PNPLA7: variants seen among roughly 807,000 people sequenced by gnomAD.
PNPLA7 encodes the protein patatin-like phospholipase domain-containing protein 7.
A neutral mutation model predicts 161.7 loss-of-function variants in PNPLA7; 153 were observed. The ratio of observed to expected loss-of-function variants is 0.95; its 90% CI spans 0.83 to 1.08. The LOEUF (loss-of-function observed/expected upper bound fraction) is 1.08, where lower values mean the gene tolerates loss of function less well. PNPLA7 is among the 50% of genes least tolerant of loss of function. The pLI is 0.00. For synonymous variants in PNPLA7, 809 were observed against 782.1 expected (o/e 1.03, Z -0.57); for missense variants, 1,739 against 1,856.6 (o/e 0.94, Z 1.16).
At chr9:137,466,068 C>T (rs1588533922) in intron 26 of PNPLA7, among the ~76,000 whole-genome samples, 1 of 152,182 alleles carries the variant, frequency 6.6e-6, no homozygotes, top group Non-Finnish European at 1.5e-5. Flanking sequence ...CCCACGCCAA[C>T]ATCTCCCTGC....
chr9:137,517,868 C>T lies in PNPLA7; in HGVS notation c.1084+2049G>A, dbSNP rs1408951361. Reference sequence around the variant, plus strand: ...CCCACACTCACTCACTCCACTCTATCCACTCCATCCCACACTCACTCACTC... The same window carrying T: ...CCCACACTCACTCACTCCACTCTATTCACTCCATCCCACACTCACTCACTC... On this transcript the variant is annotated intron_variant, in intron 11 of 34. Transcript: ENST00000406427. 5.9e-4 allele frequency among the ~76,000 whole-genome samples: 35 copies of T among 58,990 alleles called. 1 individual carries two copies. The highest frequency in any genetic ancestry group is 3.1e-3 in the African/African-American group (27 of 8,588). 38.7% of individuals were successfully genotyped at this position (58,990 alleles called of 152,430 possible).
intron 15 of PNPLA7, 136 bp from the exon 16 acceptor site, chr9:137,501,032 C>G: frequency 1.4e-6 from 1 of 694,756 alleles, no homozygotes; most frequent in Non-Finnish European, 2.3e-6. Context: ...TGGGCATGGA[C>G]TTCACTGGAA....
In PNPLA7 at chr9:137,524,352, C is replaced by T. The variant is rs776498327; in HGVS notation, c.748-1495G>A. ...CCATTCAGCAGTCGAGATTCCCCCA[C>T]GGTGGCGCGTCTGCCAGAGGCCTGT... On this transcript the variant is annotated intron_variant, in intron 8 of 34. Coordinates refer to ENST00000406427, the MANE Select transcript of PNPLA7 (RefSeq NM_001098537.3). The surrounding 1 kb of genome is among the most constrained non-coding windows in gnomAD (Gnocchi z 4.4). Among the ~76,000 whole-genome samples, 7 of 151,200 alleles carry T rather than the reference C, an allele frequency of 4.6e-5. No individual in the cohort carries two copies. Among genetic ancestry groups the T allele is most frequent in the Non-Finnish European group, 8.9e-5 (6 of 67,712 alleles).
chr9:137,502,277 G>A (rs1369955417), intron 14 of PNPLA7, among the ~76,000 whole-genome samples: 3 of 152,226 alleles, frequency 2.0e-5, no homozygotes, highest in East Asian at 3.9e-4. Context: ...CCACACCCAC[G>A]AAGGTTTGAA....
Position 137,549,536 on chromosome 9 carries a change from A to C in PNPLA7, c.30+632T>G, listed in dbSNP as rs12684605. On this transcript the variant is annotated intron_variant, in intron 1 of 34. Transcript: ENST00000406427. The stretch of plus-strand genomic sequence containing the variant: ...AGTGAGTTGAGATCGTGCCACTGCA[A>C]TCCAGCTTGGGCGACAGAGCAAGAC... Among the ~76,000 whole-genome samples the C allele has an allele frequency of 7.6e-4, 111 of 146,030 alleles. 1 individual carries two copies. The East Asian group carries it at 0.013, about 17-fold the overall frequency.
chr9:137,537,479 A>T lies in PNPLA7; in HGVS notation c.747+3163T>A, dbSNP rs1443698149. Among the ~76,000 whole-genome samples, 1 of 152,042 alleles carries T rather than the reference A, an allele frequency of 6.6e-6. No homozygotes were observed. The highest frequency in any genetic ancestry group is 1.5e-5 in the Non-Finnish European group (1 of 68,016). On this transcript the variant is annotated intron_variant, in intron 8 of 34. Transcript: ENST00000406427. This position sits in a 1 kb window ranked among gnomAD's most constrained non-coding sequence, Gnocchi z 4.5. ...ATAACAGGCACCCGCCACCACACCC[A>T]GCTAATTTTTGTATTTTTAGTAGGG...
intron 29 of PNPLA7, 175 bp from the exon 30 acceptor site, chr9:137,463,008 C>T (rs1440494249): frequency 2.7e-5 from 24 of 878,706 alleles, no homozygotes; most frequent in Middle Eastern, 3.3e-4. Context: ...TGTGGGCACA[C>T]GGCTGTGTCC....
intron 26 of PNPLA7, among the ~76,000 whole-genome samples, chr9:137,466,329 C>T (rs1162295123): frequency 2.0e-5 from 3 of 152,012 alleles, no homozygotes; most frequent in Non-Finnish European, 4.4e-5. Flanking sequence ...CGGATCAGAC[C>T]GCCTCCCATC....
At position 137,537,476 on chromosome 9, in the gene PNPLA7, C is replaced by T. The variant is rs1190391942; in HGVS notation, c.747+3166G>A. On this transcript the variant is annotated intron_variant, in intron 8 of 34. Coordinates refer to ENST00000406427, the MANE Select transcript of PNPLA7 (RefSeq NM_001098537.3). The surrounding 1 kb of genome is among the most constrained non-coding windows in gnomAD (Gnocchi z 4.5). ...GGGATAACAGGCACCCGCCACCACA[C>T]CCAGCTAATTTTTGTATTTTTAGTA... is the stretch of plus-strand genomic sequence containing the variant. Among the ~76,000 whole-genome samples the T allele has an allele frequency of 6.6e-6, 1 of 152,180 alleles. No homozygotes were observed. The highest frequency in any genetic ancestry group is 2.4e-5 in the African/African-American group (1 of 41,430).
intron 11 of PNPLA7, among the ~76,000 whole-genome samples, chr9:137,519,139 CA>C (rs1171952199): frequency 3.3e-5 from 5 of 152,270 alleles, no homozygotes; most frequent in African/African-American, 1.2e-4. Flanking sequence ...CTCTCATCAG[CA>C]TTGCTTCATT....
rs974580932 is a variant in PNPLA7, at chr9:137,495,114, G to A, written c.2046C>T (p.Thr682=). ...CTGAGTCCCGAACGGCATGCACCGT[G>A]GTCGCCCGGGCCTGGTGGGTCAGTG... The part of the protein sequence containing the change: ...VETLTHQARA[T]TVHAVRDSEL... Residue 682 remains threonine, a synonymous_variant, in exon 19 of 35, where the codon ACC becomes ACT. Transcript: ENST00000406427. 1.9e-6 allele frequency: 3 copies of A among 1,606,686 alleles called. No homozygotes were observed. Among genetic ancestry groups the A allele is most frequent in the East Asian group, 4.5e-5 (2 of 44,840 alleles).
chr9:137,484,483 C>T, intron 21 of PNPLA7, 104 bp downstream of exon 21: 1 of 1,310,660 alleles, frequency 7.6e-7, no homozygotes, highest in Non-Finnish European at 1.0e-6. Flanking sequence ...CTGAGCCCTG[C>T]CCACCCACCG....
At position 137,541,185 on chromosome 9, in the gene PNPLA7, T is replaced by G. The variant is rs1209692117; in HGVS notation, c.667-463A>C. 6.6e-6 allele frequency among the ~76,000 whole-genome samples: 1 copy of G among 152,214 alleles called. No homozygotes were observed. The highest frequency in any genetic ancestry group is 2.4e-5 in the African/African-American group (1 of 41,458). On this transcript the variant is annotated intron_variant, in intron 7 of 34. Coordinates refer to ENST00000406427, the MANE Select transcript of PNPLA7 (RefSeq NM_001098537.3). The surrounding 1 kb of genome is among the most constrained non-coding windows in gnomAD (Gnocchi z 4.4). ...CAGCTTGACCCAGGAAAATTCTTTATGAAGTTGCCCAAATCTGGCCCCAGT... is the reference window on the plus strand; with the variant it reads ...CAGCTTGACCCAGGAAAATTCTTTAGGAAGTTGCCCAAATCTGGCCCCAGT...
chr9:137,475,237 C>G (rs116616076), intron 25 of PNPLA7, among the ~76,000 whole-genome samples: 6 of 151,778 alleles, frequency 4.0e-5, no homozygotes, highest in Non-Finnish European at 8.8e-5. Flanking sequence ...TCAGGCCAGG[C>G]ACAGTGGCTC....
rs1052003742 is a variant in PNPLA7, at chr9:137,479,208, G to A, written c.2611C>T (p.Arg871Cys). 5 of 1,553,234 alleles carry A rather than the reference G, an allele frequency of 3.2e-6. No individual in the cohort carries two copies. Among genetic ancestry groups the A allele is most frequent in the African/African-American group, 1.4e-5 (1 of 73,518 alleles). The change falls in exon 24 of 35, where the codon CGT becomes TGT. Residue 871 changes from arginine (R) to cysteine (C), a missense_variant. Transcript: ENST00000406427. Reference protein sequence around the residue: ...LERMLESTAVRAQKQLILLHR... With the variant: ...LERMLESTAVCAQKQLILLHR... ...AGCAGGATCAGCTGCTTCTGGGCAC[G>A]CACAGCTGTGCTCTCCAGCATCCGC...
rs1209653013 is a variant in PNPLA7, at chr9:137,467,482, G to A, written c.2883-9C>T. 6.2e-7 allele frequency: 1 copy of A among 1,612,314 alleles called. No individual in the cohort carries two copies. ...CCACCTGGGCACAGCCTCTACACCA[G>A]CCAGGGACACAGAGCAAGGAGTGAG... is the stretch of plus-strand genomic sequence containing the variant. On this transcript the variant is annotated splice_polypyrimidine_tract_variant and intron_variant, in intron 25 of 34. Coordinates refer to ENST00000406427, the MANE Select transcript of PNPLA7 (RefSeq NM_001098537.3). The surrounding 1 kb of genome is among the most constrained non-coding windows in gnomAD (Gnocchi z 5.1).
At chr9:137,485,998 G>A (rs1194278751) in intron 20 of PNPLA7, among the ~76,000 whole-genome samples, 9 of 151,808 alleles carry the variant, frequency 5.9e-5, no homozygotes, top group African/African-American at 1.7e-4. Context: ...TGAGGCCACC[G>A]CGCCACCAGC....
In PNPLA7 at chr9:137,494,152, C is replaced by T. The variant is rs77995929; in HGVS notation, c.2127+881G>A. ...CTAGAATGAAAAACTTCTTGGGATC[C>T]GTGTGCTGGCTGATGAACAACTGCA... On this transcript the variant is annotated intron_variant, in intron 19 of 34. Transcript: ENST00000406427. 7.7e-3 allele frequency among the ~76,000 whole-genome samples: 1,168 copies of T among 152,294 alleles called. 17 individuals are homozygous for T. The highest frequency in any genetic ancestry group is 0.027 in the African/African-American group (1,113 of 41,542).
rs1005141048 is a variant in PNPLA7 at position 137,480,487 on chromosome 9, C to T, written c.2412-7G>A. 1 of 1,602,636 alleles carries T rather than the reference C, an allele frequency of 6.2e-7. No individual in the cohort carries two copies. The highest frequency in any genetic ancestry group is 1.1e-5 in the South Asian group (1 of 90,248). On this transcript the variant is annotated splice_region_variant and splice_polypyrimidine_tract_variant and intron_variant, in intron 22 of 34. Coordinates refer to ENST00000406427, the MANE Select transcript of PNPLA7 (RefSeq NM_001098537.3). The stretch of plus-strand genomic sequence containing the variant: ...CAGCCGGTACTCGTGAACACTGCAG[C>T]ACGCAGAGGGAGTACCTCACTACTC...
Sources: gnomAD v4.1 joint callset for allele counts (sites outside exome capture counted in the v4.1 genomes callset) on GRCh38, gnomAD v4.1.1 for gene constraint, Gnocchi (gnomAD v3.1) non-coding constraint, MANE v1.5 for transcripts, NCBI Gene and HGNC (gene_info 2026-07-23, HGNC 2026-07-21) for gene names.